TECRL: variants seen among roughly 807,000 people sequenced by gnomAD.
The protein encoded by TECRL is trans-2,3-enoyl-CoA reductase-like.
A neutral mutation model predicts 52.8 loss-of-function variants in TECRL; 63 were observed. That is an observed-to-expected ratio of 1.19 (90% CI 0.97 to 1.47). The LOEUF is 1.47. TECRL is among the 40% of genes most tolerant of loss of function. TECRL has a pLI of 0.00. For synonymous variants in TECRL, 164 were observed against 141.9 expected, an observed-to-expected ratio of 1.16 and a Z score of -1.10; for missense variants, 482 against 429.6, an observed-to-expected ratio of 1.12 and a Z score of -1.08.
At chr4:64,308,637 A>G (rs1259103059) in intron 6 of TECRL, among the ~76,000 whole-genome samples, 1 of 151,826 alleles carries the variant, frequency 6.6e-6, no homozygotes, top group Non-Finnish European at 1.5e-5. Flanking sequence ...AATAAATCCT[A>G]CTCTGCCCTA....
chr4:64,391,410 G>T (rs936406325), intron 1 of TECRL, among the ~76,000 whole-genome samples: 1 of 151,798 alleles, frequency 6.6e-6, no homozygotes, highest in Non-Finnish European at 1.5e-5. Context: ...TAACCAGTCT[G>T]CATGATTGTC....
chr4:64,407,169 G>A (rs998847718), intron 1 of TECRL, among the ~76,000 whole-genome samples: 6 of 151,854 alleles, frequency 4.0e-5, no homozygotes, highest in Non-Finnish European at 7.4e-5. Context: ...ACATTATATA[G>A]GGGTGATTGT....
chr4:64,405,967 C>T (rs1724688156), intron 1 of TECRL, among the ~76,000 whole-genome samples: 1 of 151,992 alleles, frequency 6.6e-6, no homozygotes, highest in African/African-American at 2.4e-5. Flanking sequence ...TCACTGGTGA[C>T]CTCAGTAAGT....
chr4:64,301,887 A>G (rs1724043463), intron 7 of TECRL, among the ~76,000 whole-genome samples: 1 of 151,296 alleles, frequency 6.6e-6, no homozygotes, highest in South Asian at 2.1e-4. Flanking sequence ...AAACAAAGTT[A>G]TAGGTAGTGC....
chr4:64,336,049 C>T (rs1176579794), intron 2 of TECRL, among the ~76,000 whole-genome samples: 1 of 152,120 alleles, frequency 6.6e-6, no homozygotes, highest in Admixed American at 6.6e-5. Context: ...GGAGGATTCT[C>T]TCTTTTTCTA....
In TECRL at chr4:64,281,054, T is replaced by C; in HGVS notation, c.951A>G (p.Thr317=). ...IGSWISFTVM[T]QTLPVGIFTL... ...TCTAGGTCTTACCTGGCAGTGTTTG[T>C]GTCATGACTGTGAAACTAATCCATG... Residue 317 remains threonine, a synonymous_variant, in exon 11 of 12, where the codon ACA becomes ACG. Transcript: ENST00000381210. The C allele has an allele frequency of 6.2e-7, 1 of 1,603,198 alleles. No individual in the cohort carries two copies. Among genetic ancestry groups the C allele is most frequent in the Non-Finnish European group, 8.5e-7 (1 of 1,172,892 alleles).
At position 64,312,927 on chromosome 4, in the gene TECRL, A is replaced by T. The variant is rs571329821; in HGVS notation, c.551+1721T>A. Among the ~76,000 whole-genome samples the T allele has an allele frequency of 1.8e-3, 270 of 152,288 alleles. 1 individual carries two copies. The highest frequency in any genetic ancestry group is 6.1e-3 in the African/African-American group (255 of 41,572). ...CAATCTCTTTATCCCAGCCGCTTTT[A>T]AAAATAATTGGTCATTCCTTTCACT... is the stretch of plus-strand genomic sequence containing the variant. On this transcript the variant is annotated intron_variant, in intron 5 of 11. Transcript: ENST00000381210.
At chr4:64,311,969 G>T (rs951289843) in intron 5 of TECRL, among the ~76,000 whole-genome samples, 14 of 152,122 alleles carry the variant, frequency 9.2e-5, no homozygotes, top group Non-Finnish European at 2.1e-4. Flanking sequence ...CAGGTTTCTG[G>T]TTTCTGTTGA....
chr4:64,305,065 A>T (rs1724249480), intron 7 of TECRL, 101 bp downstream of exon 7: 5 of 818,322 alleles, frequency 6.1e-6, no homozygotes, highest in Non-Finnish European at 9.3e-6. Flanking sequence ...TTTAAAATGA[A>T]TTGTTTCATT....
At chr4:64,407,947 C>T (rs963164012) in intron 1 of TECRL, among the ~76,000 whole-genome samples, 1 of 151,374 alleles carries the variant, frequency 6.6e-6, no homozygotes, top group African/African-American at 2.4e-5. Context: ...ATGATATATA[C>T]TCATCGCTTA....
chr4:64,342,762 C>CA (rs1426014190), intron 2 of TECRL, among the ~76,000 whole-genome samples: 2 of 151,728 alleles, frequency 1.3e-5, no homozygotes, highest in Non-Finnish European at 2.9e-5. Context: ...TGTCAAATTA[C>CA]AAAAAAATTA....
chr4:64,289,710 C>T lies in TECRL; in HGVS notation c.832G>A (p.Gly278Arg), dbSNP rs199562795. 98 of 1,533,708 alleles carry T rather than the reference C, an allele frequency of 6.4e-5. No homozygotes were observed. Among genetic ancestry groups the T allele is most frequent in the Middle Eastern group, 3.4e-4 (2 of 5,894 alleles). Residue 278 changes from glycine to arginine, a missense_variant and splice_region_variant, in exon 9 of 12, where the codon GGA becomes AGA. By Grantham distance (125) the Gly-to-Arg change is moderately radical (BLOSUM62 -2). Transcript: ENST00000381210. ...NVMLSHPNHT[G>R]NNACFPSPNY... ...AAAAGAAAAAGAAAAAAGAACTAACCTGTGTGATTGGGATGAGACAACATT... is the reference window on the plus strand; with the variant it reads ...AAAAGAAAAAGAAAAAAGAACTAACTTGTGTGATTGGGATGAGACAACATT...
intron 2 of TECRL, among the ~76,000 whole-genome samples, chr4:64,358,838 G>C (rs2109604543): frequency 6.6e-6 from 1 of 151,828 alleles, no homozygotes; most frequent in Admixed American, 6.6e-5. Context: ...ATAAGATTCA[G>C]TATATTTTCA....
At chr4:64,357,629 G>A (rs1310836856) in intron 2 of TECRL, among the ~76,000 whole-genome samples, 1 of 151,346 alleles carries the variant, frequency 6.6e-6, no homozygotes, top group Non-Finnish European at 1.5e-5. Context: ...TAAAAATTAT[G>A]AGAATTTTAT....
intron 2 of TECRL, among the ~76,000 whole-genome samples, chr4:64,366,813 GT>G (rs2109639934): frequency 6.6e-6 from 1 of 152,218 alleles, no homozygotes; most frequent in Non-Finnish European, 1.5e-5. Context: ...GTGTAAATTG[GT>G]TCAGTCACAG....
intron 7 of TECRL, among the ~76,000 whole-genome samples, chr4:64,300,509 AT>A (rs927337990): frequency 2.7e-5 from 4 of 150,882 alleles, no homozygotes; most frequent in Non-Finnish European, 4.5e-5. Context: ...ATAAAAAAAA[AT>A]ATAGGTTAAG....
intron 6 of TECRL, among the ~76,000 whole-genome samples, chr4:64,307,555 G>C (rs1360506972): frequency 6.6e-6 from 1 of 152,020 alleles, no homozygotes; most frequent in African/African-American, 2.4e-5. Context: ...CAGACTAAGG[G>C]ATGCCTTTTC....
At chr4:64,387,750 T>G (rs1476126033) in intron 1 of TECRL, among the ~76,000 whole-genome samples, 2 of 152,072 alleles carry the variant, frequency 1.3e-5, no homozygotes, top group African/African-American at 2.4e-5. Context: ...TTGTTTGGCT[T>G]TTAATTTTTC....
intron 1 of TECRL, among the ~76,000 whole-genome samples, chr4:64,399,944 G>A (rs531185473): frequency 6.6e-6 from 1 of 152,120 alleles, no homozygotes; most frequent in Admixed American, 6.6e-5. Context: ...CCTCACTGGG[G>A]CACTGCCTCA....
Sources: allele counts gnomAD v4.1 joint callset (sites outside exome capture counted in the v4.1 genomes callset), GRCh38; gene constraint gnomAD v4.1.1; transcripts MANE v1.5; gene names NCBI Gene and HGNC (gene_info 2026-07-23, HGNC 2026-07-21).